TRAPPC8: variants seen among roughly 807,000 people sequenced by gnomAD.
The protein encoded by TRAPPC8 is general sporulation gene 1 homolog.
Under a neutral mutation model 174.3 loss-of-function variants are expected in TRAPPC8, and 54 were observed. The observed-to-expected ratio is 0.31, with a 90% confidence interval of 0.25 to 0.39. The LOEUF (loss-of-function observed/expected upper bound fraction) is 0.39. Ranked by LOEUF, TRAPPC8 falls within the 10% of genes least tolerant of loss-of-function variation. The pLI is 1.00. For synonymous variants in TRAPPC8, 630 were observed against 579.9 expected, an observed-to-expected ratio of 1.09 and a Z score of -1.24; for missense variants, 1,531 against 1,699.1, an observed-to-expected ratio of 0.90 and a Z score of 1.74.
At chr18:31,918,832 T>G (rs899306334) in intron 2 of TRAPPC8, among the ~76,000 whole-genome samples, 2 of 152,242 alleles carry the variant, frequency 1.3e-5, no homozygotes, top group Non-Finnish European at 2.9e-5. Context: ...TCTTTTTATT[T>G]GAACTTACGT....
At chr18:31,920,925 G>A (rs1308292116) in intron 2 of TRAPPC8, among the ~76,000 whole-genome samples, 1 of 123,758 alleles carries the variant, frequency 8.1e-6, no homozygotes, top group East Asian at 2.7e-4. Context: ...TGGGCAACGT[G>A]TTAGAGCGAC....
intron 14 of TRAPPC8, among the ~76,000 whole-genome samples, 191 bp downstream of exon 14, chr18:31,873,239 G>A (rs1338848951): frequency 6.6e-6 from 1 of 151,432 alleles, no homozygotes; most frequent in Non-Finnish European, 1.5e-5. Context: ...GGATGGTCTC[G>A]ATCTCCTGAC....
intron 2 of TRAPPC8, among the ~76,000 whole-genome samples, chr18:31,925,391 C>A (rs1212921277): frequency 6.6e-6 from 1 of 151,442 alleles, no homozygotes; most frequent in East Asian, 1.9e-4. Flanking sequence ...CAAAAAAACC[C>A]CAAAAAGACA....
chr18:31,857,512 T>G, intron 20 of TRAPPC8, 28 bp downstream of exon 20: 1 of 1,523,630 alleles, frequency 6.6e-7, no homozygotes, highest in Non-Finnish European at 8.8e-7. Flanking sequence ...ACATAGATGT[T>G]AAATTTTATA....
intron 19 of TRAPPC8, among the ~76,000 whole-genome samples, chr18:31,862,322 G>C (rs2034369473): frequency 6.6e-6 from 1 of 151,036 alleles, no homozygotes; most frequent in African/African-American, 2.4e-5. Context: ...GATTATAAAA[G>C]GGACTTGGCT....
intron 21 of TRAPPC8, 41 bp from the exon 22 acceptor site, chr18:31,853,986 C>A: frequency 6.9e-7 from 1 of 1,454,708 alleles, no homozygotes; most frequent in South Asian, 1.2e-5. Context: ...GATTTAGAAG[C>A]ACTAAATCAG....
At chr18:31,939,278 G>GT (rs1305511738) in intron 1 of TRAPPC8, 1 of 152,164 alleles carries the variant, frequency 6.6e-6, no homozygotes, top group East Asian at 1.9e-4. Flanking sequence ...TGTAAAACTT[G>GT]TATCTACTTA....
chr18:31,919,425 C>T (rs1260233095), intron 2 of TRAPPC8, among the ~76,000 whole-genome samples: 3 of 151,014 alleles, frequency 2.0e-5, no homozygotes, highest in African/African-American at 7.3e-5. Context: ...CCCAGCTATT[C>T]GGGGGGCTGA....
chr18:31,893,162 C>T (rs769312333), intron 11 of TRAPPC8, among the ~76,000 whole-genome samples: 2 of 151,748 alleles, frequency 1.3e-5, no homozygotes, highest in African/African-American at 4.8e-5. Context: ...TGGTTTGTTG[C>T]GATTTTCTGC....
chr18:31,854,478 AT>A (rs2033886254), intron 21 of TRAPPC8, among the ~76,000 whole-genome samples: 3 of 152,186 alleles, frequency 2.0e-5, no homozygotes, highest in South Asian at 2.1e-4. Flanking sequence ...AAAAATATTG[AT>A]TTTTGGGGGG....
chr18:31,941,658 C>A (rs765443054), intron 1 of TRAPPC8, among the ~76,000 whole-genome samples: 9 of 152,004 alleles, frequency 5.9e-5, no homozygotes, highest in Non-Finnish European at 8.8e-5. Context: ...AACATGGTAG[C>A]GCAAAAATGG....
In TRAPPC8 at chr18:31,913,628, A is replaced by C. The variant is rs2037010388; in HGVS notation, c.618-106T>G. 3.5e-6 allele frequency: 3 copies of C among 850,382 alleles called. No individual in the cohort carries two copies. The East Asian group carries it at 9.3e-5, about 26-fold the overall frequency. 52.7% of individuals were successfully genotyped at this position (850,382 alleles called of 1,614,324 possible). ...ATAACATTAAAATAATCCCCCAAAA[A>C]GGCATATTTAGACTGGAAAAATATA... On this transcript the variant is annotated intron_variant, in intron 4 of 28. Coordinates refer to ENST00000283351, the MANE Select transcript of TRAPPC8 (RefSeq NM_014939.5).
At chr18:31,867,597 T>TATGATACACCG in intron 16 of TRAPPC8, 121 bp from the exon 17 acceptor site, 1 of 641,138 alleles carries the variant, frequency 1.6e-6, no homozygotes. Context: ...ACTTGGTTTT[T>TATGATACACCG]ACCACATGCT....
intron 11 of TRAPPC8, among the ~76,000 whole-genome samples, chr18:31,892,301 C>T (rs1431897199): frequency 6.6e-6 from 1 of 152,058 alleles, no homozygotes; most frequent in Non-Finnish European, 1.5e-5. Flanking sequence ...AATACATATG[C>T]ATTTTTAAAA....
At chr18:31,894,929 CAAGT>C (rs1181789439) in intron 11 of TRAPPC8, among the ~76,000 whole-genome samples, 1 of 152,152 alleles carries the variant, frequency 6.6e-6, no homozygotes, top group Non-Finnish European at 1.5e-5. Context: ...GAAACAGACA[CAAGT>C]AGGTATGTCT....
chr18:31,934,815 C>T (rs1254922831), intron 1 of TRAPPC8, among the ~76,000 whole-genome samples: 1 of 151,244 alleles, frequency 6.6e-6, no homozygotes, highest in African/African-American at 2.4e-5. Flanking sequence ...TGCACTGAGC[C>T]GAGACCACAC....
In TRAPPC8 at chr18:31,942,884, G is replaced by C. The variant is rs943279737; in HGVS notation, c.-120C>G. ...GGCCCGGCCGGGCGGGGCCCCGAAC[G>C]CACTGGAGCCTAGAAACAAGAAGGA... On this transcript the variant is annotated 5_prime_UTR_variant, in exon 1 of 29. Coordinates refer to ENST00000283351, the MANE Select transcript of TRAPPC8 (RefSeq NM_014939.5). 8 of 1,248,580 alleles carry C rather than the reference G, an allele frequency of 6.4e-6. No individual in the cohort carries two copies. In the African/African-American group the frequency reaches 1.1e-4, roughly 17 times the overall value. 77.3% of individuals were successfully genotyped at this position (1,248,580 alleles called of 1,614,324 possible). A position where few individuals can be genotyped will look rare whatever the true frequency, so the allele number is the denominator to read the frequency against.
chr18:31,838,427 A>T (rs1421203182), intron 27 of TRAPPC8, among the ~76,000 whole-genome samples: 1 of 152,142 alleles, frequency 6.6e-6, no homozygotes, highest in African/African-American at 2.4e-5. Flanking sequence ...TCCATCTACT[A>T]AGGATTTTGT....
intron 12 of TRAPPC8, among the ~76,000 whole-genome samples, chr18:31,879,709 G>A (rs1179420035): frequency 6.6e-6 from 1 of 151,858 alleles, no homozygotes; most frequent in African/African-American, 2.4e-5. Context: ...CAAAATTGAT[G>A]AGACTACTAG....
Sources: allele counts gnomAD v4.1 joint callset (sites outside exome capture counted in the v4.1 genomes callset), GRCh38; gene constraint gnomAD v4.1.1; transcripts MANE v1.5; gene names NCBI Gene and HGNC (gene_info 2026-07-23, HGNC 2026-07-21).